Variants in RAB38 observed in about 807,000 individuals in gnomAD.
The protein encoded by RAB38 is RAB38, member RAS oncogene family.
Under a neutral mutation model 18.4 loss-of-function variants are expected in RAB38, and 15 were observed. The observed-to-expected ratio is 0.82, with a 90% confidence interval of 0.55 to 1.26. RAB38 has a LOEUF of 1.26. RAB38 is among the 50% of genes most tolerant of loss of function. RAB38 has a pLI of 0.00. For missense variants in RAB38, 294 were observed against 267.4 expected (o/e 1.10, Z -0.69); for synonymous variants, 101 against 104.4 (o/e 0.97, Z 0.20).
chr11:87,944,867 G>T, the RAB38 span, among the ~76,000 whole-genome samples: 10 of 152,198 alleles, frequency 6.6e-5, no homozygotes, highest in African/African-American at 2.4e-4. Flanking sequence ...TGTTTTTGAA[G>T]GAAGGGCATT....
chr11:88,038,455 G>A, the RAB38 span, among the ~76,000 whole-genome samples: 1 of 151,856 alleles, frequency 6.6e-6, no homozygotes, highest in Non-Finnish European at 1.5e-5. Context: ...TTTTTTCTAA[G>A]CCATTTAACA....
the RAB38 span, among the ~76,000 whole-genome samples, chr11:87,841,773 G>C: frequency 6.6e-6 from 1 of 152,122 alleles, no homozygotes; most frequent in Non-Finnish European, 1.5e-5. Flanking sequence ...GATAAAAAGG[G>C]GTGCTAACTG....
the RAB38 span, among the ~76,000 whole-genome samples, chr11:87,863,811 C>T: frequency 6.6e-6 from 1 of 151,730 alleles, no homozygotes; most frequent in Non-Finnish European, 1.5e-5. Context: ...ACTGACTTCA[C>T]TCGCCTAAAA....
the RAB38 span, among the ~76,000 whole-genome samples, chr11:87,843,300 G>C: frequency 6.6e-6 from 1 of 152,134 alleles, no homozygotes; most frequent in Non-Finnish European, 1.5e-5. Context: ...GACTTTTACT[G>C]GCTAATCTTC....
chr11:87,887,229 ACT>A, the RAB38 span, among the ~76,000 whole-genome samples: 560 of 152,024 alleles, frequency 3.7e-3, 2 homozygotes, highest in African/African-American at 0.013. Context: ...TGAAACTAAA[ACT>A]CAGTTATGTT....
At chr11:87,858,785 A>G in the RAB38 span, among the ~76,000 whole-genome samples, 1 of 152,070 alleles carries the variant, frequency 6.6e-6, no homozygotes, top group Non-Finnish European at 1.5e-5. Flanking sequence ...GTCATTGTCA[A>G]GGTCCTAACT....
At chr11:87,872,147 C>A in the RAB38 span, among the ~76,000 whole-genome samples, 2 of 151,506 alleles carry the variant, frequency 1.3e-5, no homozygotes, top group Non-Finnish European at 1.5e-5. Context: ...GTTTGTCATT[C>A]ATTTTTGCCA....
the RAB38 span, among the ~76,000 whole-genome samples, chr11:87,813,652 A>G: frequency 6.6e-6 from 1 of 152,036 alleles, no homozygotes; most frequent in African/African-American, 2.4e-5. Flanking sequence ...GGTCTTACCT[A>G]TTGTCTCTTC....
chr11:88,007,526 C>A, the RAB38 span, among the ~76,000 whole-genome samples: 4 of 151,740 alleles, frequency 2.6e-5, no homozygotes, highest in African/African-American at 9.7e-5. Flanking sequence ...TAGCCAAATG[C>A]AAATTAGAAT....
the RAB38 span, among the ~76,000 whole-genome samples, chr11:88,079,804 T>C: frequency 0.041 from 6,182 of 151,604 alleles, 156 homozygotes; most frequent in African/African-American, 0.075. Context: ...AATATAGTAA[T>C]CTCGGTAGAT....
At chr11:88,039,947 G>C in the RAB38 span, among the ~76,000 whole-genome samples, 1 of 152,286 alleles carries the variant, frequency 6.6e-6, no homozygotes, top group Non-Finnish European at 1.5e-5. Flanking sequence ...TTGCACCATT[G>C]ATTGTAAAAG....
At chr11:87,946,364 T>C in the RAB38 span, among the ~76,000 whole-genome samples, 1 of 152,160 alleles carries the variant, frequency 6.6e-6, no homozygotes, top group Non-Finnish European at 1.5e-5. Context: ...TGAAAACCAT[T>C]AGAGGCTCTA....
chr11:87,911,809 C>T, the RAB38 span, among the ~76,000 whole-genome samples: 2 of 151,858 alleles, frequency 1.3e-5, no homozygotes, highest in African/African-American at 4.8e-5. Flanking sequence ...ATTAAAGATA[C>T]AGCATTCAGT....
the RAB38 span, among the ~76,000 whole-genome samples, chr11:88,085,678 T>C: frequency 6.6e-6 from 1 of 151,962 alleles, no homozygotes; most frequent in Non-Finnish European, 1.5e-5. Flanking sequence ...TGATCACTTG[T>C]CTTTGTAAAC....
chr11:88,024,874 G>T, the RAB38 span, among the ~76,000 whole-genome samples: 1 of 151,390 alleles, frequency 6.6e-6, no homozygotes, highest in African/African-American at 2.4e-5. Context: ...AAGGTAGTGT[G>T]GGGTGGGGTG....
the RAB38 span, among the ~76,000 whole-genome samples, chr11:87,930,075 T>C: frequency 2.4e-3 from 370 of 152,254 alleles, no homozygotes; most frequent in Middle Eastern, 0.017. Flanking sequence ...TTTGGGTATA[T>C]ACCCAGTAAT....
the RAB38 span, chr11:87,816,415 T>C: frequency 6.6e-6 from 1 of 152,298 alleles, no homozygotes; most frequent in Non-Finnish European, 1.5e-5. Context: ...AATGGTTGAT[T>C]GGCTATACTG....
chr11:87,919,539 A>G, the RAB38 span, among the ~76,000 whole-genome samples: 1 of 151,888 alleles, frequency 6.6e-6, no homozygotes, highest in Admixed American at 6.6e-5. Flanking sequence ...ATCATTTATC[A>G]GGGATGTTGG....
the RAB38 span, among the ~76,000 whole-genome samples, chr11:87,824,933 A>G: frequency 6.6e-6 from 1 of 152,134 alleles, no homozygotes. Context: ...AGGCACATAC[A>G]TCATTGTGAA....
Sources: gnomAD v4.1 joint callset for allele counts (sites outside exome capture counted in the v4.1 genomes callset) on GRCh38, gnomAD v4.1.1 for gene constraint, MANE v1.5 for transcripts, NCBI Gene and HGNC (gene_info 2026-07-23, HGNC 2026-07-21) for gene names.